Variants in SLC8A3 observed in about 807,000 individuals in gnomAD.
SLC8A3 encodes solute carrier family 8 member A3.
SLC8A3 carries 37 observed loss-of-function variants against 65.4 expected under a neutral mutation model. That is an observed-to-expected ratio of 0.57 (90% CI 0.44 to 0.74). The LOEUF (loss-of-function observed/expected upper bound fraction) is 0.74. Ranked by LOEUF, SLC8A3 falls within the 30% of genes least tolerant of loss-of-function variation. SLC8A3 has a pLI of 0.00. For synonymous variants in SLC8A3, 461 were observed against 444.5 expected, an observed-to-expected ratio of 1.04 and a Z score of -0.47; for missense variants, 1,112 against 1,172.1, an observed-to-expected ratio of 0.95 and a Z score of 0.75.
At chr14:70,140,230 A>C (rs17765304) in intron 2 of SLC8A3, among the ~76,000 whole-genome samples, 17,621 of 152,192 alleles carry the variant, frequency 0.12, 1,226 homozygotes, top group Non-Finnish European at 0.16. Context: ...CTTTCGGAGA[A>C]AATGAGTGGA....
intron 2 of SLC8A3, among the ~76,000 whole-genome samples, chr14:70,070,502 G>T (rs901170718): frequency 1.3e-5 from 2 of 152,138 alleles, no homozygotes; most frequent in African/African-American, 4.8e-5. Flanking sequence ...TAAAGATTTT[G>T]CATCTAACTA....
At chr14:70,155,399 C>G (rs1351146749) in intron 2 of SLC8A3, among the ~76,000 whole-genome samples, 1 of 152,210 alleles carries the variant, frequency 6.6e-6, no homozygotes, top group Non-Finnish European at 1.5e-5. Context: ...TTCGCATCCT[C>G]TAATAACTAC....
chr14:70,052,594 G>A (rs1470776947), intron 3 of SLC8A3, among the ~76,000 whole-genome samples: 1 of 114,936 alleles, frequency 8.7e-6, no homozygotes, highest in Non-Finnish European at 1.7e-5. Flanking sequence ...CCCTTCTCAT[G>A]TTGAACAGTT....
chr14:70,070,024 G>C (rs1025391048), intron 2 of SLC8A3, among the ~76,000 whole-genome samples: 2 of 152,110 alleles, frequency 1.3e-5, no homozygotes, highest in African/African-American at 4.8e-5. Flanking sequence ...GAAGCGGCTT[G>C]AATGCTAGTG....
At chr14:70,092,420 C>T (rs548526610) in intron 2 of SLC8A3, among the ~76,000 whole-genome samples, 2 of 152,268 alleles carry the variant, frequency 1.3e-5, no homozygotes, top group South Asian at 4.1e-4. Context: ...GCAGAGCTGG[C>T]AGCTCTGCTT....
In SLC8A3 at chr14:70,149,035, A is replaced by C. The variant is rs78331682; in HGVS notation, c.1784+17604T>G. Among the ~76,000 whole-genome samples, 4 of 152,312 alleles carry C rather than the reference A, an allele frequency of 2.6e-5. No homozygotes were observed. In the East Asian group the frequency reaches 7.7e-4, roughly 29 times the overall value. On this transcript the variant is annotated intron_variant, in intron 2 of 6. Coordinates refer to ENST00000356921, the MANE Select transcript of SLC8A3 (RefSeq NM_182932.3). ...TGACAAGCTGTGTTGTGAAAAGGGA[A>C]GCACAGAGTGGTCAGGGCTGGGGTT...
At chr14:70,076,208 A>G (rs1890502129) in intron 2 of SLC8A3, among the ~76,000 whole-genome samples, 1 of 152,170 alleles carries the variant, frequency 6.6e-6, no homozygotes, top group African/African-American at 2.4e-5. Flanking sequence ...TCTCATGACC[A>G]GGTTCTTTTT....
intron 3 of SLC8A3, among the ~76,000 whole-genome samples, chr14:70,057,798 G>A (rs953969051): frequency 2.6e-5 from 4 of 152,176 alleles, no homozygotes; most frequent in African/African-American, 9.7e-5. Flanking sequence ...AAGAGCATAG[G>A]ACTGTGAGTA....
intron 2 of SLC8A3, among the ~76,000 whole-genome samples, chr14:70,085,015 T>C (rs1891326207): frequency 6.6e-6 from 1 of 152,192 alleles, no homozygotes; most frequent in Non-Finnish European, 1.5e-5. Flanking sequence ...CATTTACAAA[T>C]GTCTATTGAG....
chr14:70,123,902 T>C (rs1348732093), intron 2 of SLC8A3, among the ~76,000 whole-genome samples: 2 of 152,226 alleles, frequency 1.3e-5, no homozygotes, highest in African/African-American at 2.4e-5. Flanking sequence ...ACAGAGAACA[T>C]TTTCAAGTTT....
chr14:70,096,827 T>C (rs937463981), intron 2 of SLC8A3, among the ~76,000 whole-genome samples: 1 of 152,170 alleles, frequency 6.6e-6, no homozygotes, highest in African/African-American at 2.4e-5. Context: ...TTTGGTCTTT[T>C]GCGGGATGAG....
chr14:70,089,481 T>C (rs774381099), intron 2 of SLC8A3, among the ~76,000 whole-genome samples: 31 of 152,226 alleles, frequency 2.0e-4, no homozygotes, highest in Middle Eastern at 3.4e-3. Context: ...AAATTTAAGG[T>C]TTGCTACTGG....
At chr14:70,183,530 T>G (rs1016175081) in intron 1 of SLC8A3, among the ~76,000 whole-genome samples, 2 of 152,206 alleles carry the variant, frequency 1.3e-5, no homozygotes, top group African/African-American at 4.8e-5. Context: ...CCAGGAAATA[T>G]GTCTCACACT....
Position 70,109,542 on chromosome 14 carries a change from C to T in SLC8A3, c.1785-48603G>A, listed in dbSNP as rs554004292. On this transcript the variant is annotated intron_variant, in intron 2 of 6. Coordinates refer to ENST00000356921, the MANE Select transcript of SLC8A3 (RefSeq NM_182932.3). ...TAATCTCAGTTCACTGCAACCTCCA[C>T]CTCCTATGTTCAAGCAATTCTCCTG... 5.5e-3 allele frequency among the ~76,000 whole-genome samples: 834 copies of T among 151,968 alleles called. 11 individuals carry two copies. Among genetic ancestry groups the T allele is most frequent in the African/African-American group, 0.018 (762 of 41,434 alleles).
intron 2 of SLC8A3, among the ~76,000 whole-genome samples, chr14:70,100,852 A>G (rs1207410679): frequency 6.6e-6 from 1 of 152,220 alleles, no homozygotes; most frequent in African/African-American, 2.4e-5. Context: ...CTCTGGTACT[A>G]TGAGCATTGC....
At chr14:70,054,258 G>A (rs930100439) in intron 3 of SLC8A3, among the ~76,000 whole-genome samples, 1 of 151,126 alleles carries the variant, frequency 6.6e-6, no homozygotes, top group African/African-American at 2.4e-5. Flanking sequence ...GAGCTTGGGG[G>A]TGGGGGGGTG....
chr14:70,048,647 AG>A (rs1376696427), intron 6 of SLC8A3, 119 bp downstream of exon 6: 1 of 881,224 alleles, frequency 1.1e-6, no homozygotes, highest in Non-Finnish European at 1.8e-6. Flanking sequence ...GTGCACTTTA[AG>A]GGCAGAGGCT....
At chr14:70,092,554 G>A (rs1891876950) in intron 2 of SLC8A3, among the ~76,000 whole-genome samples, 1 of 152,120 alleles carries the variant, frequency 6.6e-6, no homozygotes, top group Admixed American at 6.6e-5. Context: ...GTATATTCAT[G>A]CCTCTAATCC....
At chr14:70,186,738 T>C (rs1476665568) in intron 1 of SLC8A3, among the ~76,000 whole-genome samples, 2 of 152,152 alleles carry the variant, frequency 1.3e-5, no homozygotes, top group African/African-American at 4.8e-5. Context: ...CCCTAAGCTT[T>C]GACCATCAGC....
Sources: gnomAD v4.1 joint callset for allele counts (sites outside exome capture counted in the v4.1 genomes callset) on GRCh38, gnomAD v4.1.1 for gene constraint, MANE v1.5 for transcripts, NCBI Gene and HGNC (gene_info 2026-07-23, HGNC 2026-07-21) for gene names.